Variants in DYNC1I1 observed in about 807,000 individuals in gnomAD.
DYNC1I1 encodes the protein cytoplasmic dynein 1 intermediate chain 1.
A neutral mutation model predicts 86.6 loss-of-function variants in DYNC1I1; 43 were observed. The observed-to-expected ratio is 0.50, with a 90% CI of 0.39 to 0.64. The LOEUF is 0.64. Ranked by LOEUF, DYNC1I1 falls within the 30% of genes least tolerant of loss-of-function variation. The probability of loss-of-function intolerance (pLI) is 0.00; values close to 1 mark genes in which losing one functional copy is unlikely to be tolerated. For missense variants in DYNC1I1, 604 were observed against 788.8 expected (o/e 0.77, Z 2.81); for synonymous variants, 262 against 283.7 (o/e 0.92, Z 0.77).
At chr7:96,101,470 CCCAG>C (rs1791135524), downstream of DYNC1I1, among the ~76,000 whole-genome samples, 1 of 152,076 alleles carries the variant, frequency 6.6e-6, no homozygotes, top group Non-Finnish European at 1.5e-5. Context: ...TGATGATCTC[CCCAG>C]TCCTTCCCCA....
chr7:96,065,768 T>G (rs1042826557), intron 14 of DYNC1I1, among the ~76,000 whole-genome samples: 3 of 152,152 alleles, frequency 2.0e-5, no homozygotes, highest in African/African-American at 7.2e-5. Flanking sequence ...TCTTTCAACT[T>G]CAGACCTGCA....
At chr7:95,826,328 GT>G (rs1434531294) in intron 4 of DYNC1I1, among the ~76,000 whole-genome samples, 1 of 152,158 alleles carries the variant, frequency 6.6e-6, no homozygotes, top group Non-Finnish European at 1.5e-5. Context: ...TGCAGGAGGG[GT>G]TAATATGTGA....
chr7:95,918,323 C>G, intron 6 of DYNC1I1, among the ~76,000 whole-genome samples: 1 of 152,144 alleles, frequency 6.6e-6, no homozygotes, highest in Non-Finnish European at 1.5e-5. Context: ...GTGATCACTG[C>G]CTGGTGTGGT....
At chr7:95,861,855 C>T (rs1048277556) in intron 5 of DYNC1I1, among the ~76,000 whole-genome samples, 7 of 152,176 alleles carry the variant, frequency 4.6e-5, no homozygotes, top group African/African-American at 1.7e-4. Context: ...ATCCATCCTT[C>T]ATCTGTGAGA....
chr7:96,100,335 C>G, downstream of DYNC1I1, among the ~76,000 whole-genome samples: 1 of 151,750 alleles, frequency 6.6e-6, no homozygotes, highest in Non-Finnish European at 1.5e-5. Context: ...CCCTCCCTCC[C>G]TCTCTCCCTT....
chr7:95,898,613 G>A (rs1790950863), intron 6 of DYNC1I1, among the ~76,000 whole-genome samples: 3 of 152,072 alleles, frequency 2.0e-5, no homozygotes, highest in African/African-American at 4.8e-5. Context: ...ATTCTACCTC[G>A]TTTTATTTTT....
chr7:95,961,209 C>T (rs1354539586), intron 6 of DYNC1I1, among the ~76,000 whole-genome samples: 1 of 152,100 alleles, frequency 6.6e-6, no homozygotes, highest in Non-Finnish European at 1.5e-5. Context: ...ATATTACTAC[C>T]ACAGCATGGG....
chr7:95,893,312 A>G (rs1414385504), intron 6 of DYNC1I1, among the ~76,000 whole-genome samples: 1 of 152,150 alleles, frequency 6.6e-6, no homozygotes, highest in Non-Finnish European at 1.5e-5. Context: ...GTGACTCAAG[A>G]AAGTCCTGTT....
At chr7:95,831,644 T>C (rs932968134) in intron 5 of DYNC1I1, among the ~76,000 whole-genome samples, 1 of 148,214 alleles carries the variant, frequency 6.7e-6, no homozygotes, top group Non-Finnish European at 1.5e-5. Context: ...CTAGGTTGTT[T>C]CCTCAATATC....
At chr7:95,964,241 G>A (rs1792947469) in intron 6 of DYNC1I1, among the ~76,000 whole-genome samples, 1 of 152,280 alleles carries the variant, frequency 6.6e-6, no homozygotes, top group Admixed American at 6.5e-5. Context: ...TCAGCAAAAA[G>A]CACTCCGAAG....
chr7:95,994,908 A>G (rs1185642629), intron 9 of DYNC1I1, among the ~76,000 whole-genome samples: 1 of 152,144 alleles, frequency 6.6e-6, no homozygotes, highest in South Asian at 2.1e-4. Flanking sequence ...AAAGGTATTG[A>G]GGAAATAGGG....
At chr7:95,942,423 AG>A (rs1255603558) in intron 6 of DYNC1I1, among the ~76,000 whole-genome samples, 3 of 152,222 alleles carry the variant, frequency 2.0e-5, no homozygotes, top group Non-Finnish European at 2.9e-5. Flanking sequence ...ATGGATTCAC[AG>A]CCGAATTCTA....
At chr7:95,918,895 A>G (rs1055352435) in intron 6 of DYNC1I1, among the ~76,000 whole-genome samples, 8 of 152,194 alleles carry the variant, frequency 5.3e-5, no homozygotes, top group Non-Finnish European at 1.0e-4. Flanking sequence ...TGACTTTTCC[A>G]TTTTAATAGA....
chr7:95,792,389 C>T (rs898830639), intron 1 of DYNC1I1, among the ~76,000 whole-genome samples: 1 of 152,152 alleles, frequency 6.6e-6, no homozygotes, highest in African/African-American at 2.4e-5. Flanking sequence ...CGTCCCCTCC[C>T]CTTCTCTGAA....
chr7:95,939,037 C>A (rs1239973295), intron 6 of DYNC1I1, among the ~76,000 whole-genome samples: 5 of 152,056 alleles, frequency 3.3e-5, no homozygotes, highest in African/African-American at 1.2e-4. Context: ...TTTATTTCTG[C>A]CTTCCTTTCA....
intron 14 of DYNC1I1, among the ~76,000 whole-genome samples, chr7:96,069,629 G>C (rs560365368): frequency 3.9e-4 from 59 of 152,308 alleles, no homozygotes; most frequent in African/African-American, 1.4e-3. Context: ...GCCAGTGTGG[G>C]AAACACTCCT....
At chr7:95,813,378 T>TAAAAA (rs35397709) in intron 4 of DYNC1I1, 41 bp downstream of exon 4, 55 of 1,408,866 alleles carry the variant, frequency 3.9e-5, no homozygotes, top group East Asian at 1.5e-4. Context: ...GGGTGTCAAT[T>TAAAAA]AAAAAAAAAA....
At chr7:95,828,205 C>G (rs942131110) in intron 5 of DYNC1I1, 89 bp downstream of exon 5, 1 of 1,451,734 alleles carries the variant, frequency 6.9e-7, no homozygotes, top group African/African-American at 1.4e-5. Flanking sequence ...CTTGTGTTCT[C>G]CCCTTTTGTT....
Position 96,039,347 on chromosome 7 carries a change from G to T in DYNC1I1, c.1435G>T (p.Val479Leu), listed in dbSNP as rs879159002. 6.2e-7 allele frequency: 1 copy of T among 1,614,160 alleles called. No individual in the cohort carries two copies. Among genetic ancestry groups the T allele is most frequent in the Non-Finnish European group, 8.5e-7 (1 of 1,179,984 alleles). ...PVTGINCHMA[V>L]GPIDFSHLFV... The stretch of plus-strand genomic sequence containing the variant: ...GACAGGAATTAACTGCCACATGGCA[G>T]TGGGCCCAATCGACTTTTCTCACCT... Residue 479 changes from valine (V) to leucine (L), a missense_variant, in exon 14 of 17, where the codon GTG becomes TTG. Transcript: ENST00000447467.
Sources: gnomAD v4.1 joint callset for allele counts (sites outside exome capture counted in the v4.1 genomes callset) on GRCh38, gnomAD v4.1.1 for gene constraint, MANE v1.5 for transcripts, NCBI Gene and HGNC (gene_info 2026-07-23, HGNC 2026-07-21) for gene names.